CFAP299: variants seen among roughly 807,000 people sequenced by gnomAD.
CFAP299 encodes the protein cilia and flagella associated protein 299, also known as cilia- and flagella-associated protein 299.
CFAP299 carries 21 observed loss-of-function variants against 27.0 expected under a neutral mutation model. That is an observed-to-expected ratio of 0.78 (90% confidence interval 0.55 to 1.12). The LOEUF is 1.12. CFAP299 is among the 50% of genes most tolerant of loss of function. The pLI is 0.00. For missense variants in CFAP299, 310 were observed against 276.6 expected, an observed-to-expected ratio of 1.12 and a Z score of -0.86; for synonymous variants, 104 against 98.1, an observed-to-expected ratio of 1.06 and a Z score of -0.36.
intron 3 of CFAP299, among the ~76,000 whole-genome samples, chr4:80,604,758 G>T (rs1292780063): frequency 1.3e-5 from 2 of 152,188 alleles, no homozygotes; most frequent in Non-Finnish European, 1.5e-5. Context: ...CAAGGTGAAT[G>T]CAGGGACAAC....
intron 3 of CFAP299, among the ~76,000 whole-genome samples, chr4:80,780,115 T>C (rs1726786931): frequency 6.6e-6 from 1 of 152,074 alleles, no homozygotes; most frequent in Non-Finnish European, 1.5e-5. Flanking sequence ...TTGTCTGGAA[T>C]GGTCTCCTTC....
chr4:80,573,088 A>G (rs892831541), intron 2 of CFAP299, among the ~76,000 whole-genome samples: 4 of 152,260 alleles, frequency 2.6e-5, no homozygotes, highest in African/African-American at 9.6e-5. Flanking sequence ...AGTGCTATCA[A>G]CAGTGTATCA....
chr4:80,533,350 C>T (rs1216935209), intron 2 of CFAP299, among the ~76,000 whole-genome samples: 2 of 152,178 alleles, frequency 1.3e-5, no homozygotes, highest in Admixed American at 6.5e-5. Flanking sequence ...ATGTTGTTAA[C>T]ATTTACTAGT....
chr4:80,684,037 C>A lies in CFAP299; in HGVS notation c.333+100854C>A, dbSNP rs183291812. ...TATATTTAAAATTGTACTTTCTAAA[C>A]TGAAGTTCTGTTGACTCCAGTATAG... On this transcript the variant is annotated intron_variant, in intron 3 of 5. Coordinates refer to ENST00000358105, the MANE Select transcript of CFAP299 (RefSeq NM_152770.3). Among the ~76,000 whole-genome samples the A allele has an allele frequency of 1.6e-3, 240 of 152,272 alleles. 2 individuals carry two copies. The highest frequency in any genetic ancestry group is 5.2e-3 in the African/African-American group (218 of 41,548).
chr4:80,660,286 G>A (rs1244643389), intron 3 of CFAP299, among the ~76,000 whole-genome samples: 2 of 151,984 alleles, frequency 1.3e-5, no homozygotes, highest in African/African-American at 2.4e-5. Context: ...GAATGGCGGG[G>A]ACTGTTGTAA....
chr4:80,393,224 G>T (rs1019914574), intron 2 of CFAP299, among the ~76,000 whole-genome samples: 2 of 152,078 alleles, frequency 1.3e-5, no homozygotes, highest in African/African-American at 4.8e-5. Context: ...TTATGCAATT[G>T]TACAGTGATT....
chr4:80,711,316 A>C (rs1382746542), intron 3 of CFAP299, among the ~76,000 whole-genome samples: 1 of 152,206 alleles, frequency 6.6e-6, no homozygotes, highest in Non-Finnish European at 1.5e-5. Context: ...TGAGCTGCTC[A>C]GAGGAGCCAC....
At chr4:80,494,007 C>T (rs1731297546) in intron 2 of CFAP299, among the ~76,000 whole-genome samples, 1 of 151,838 alleles carries the variant, frequency 6.6e-6, no homozygotes, top group African/African-American at 2.4e-5. Flanking sequence ...GATCTCCTGA[C>T]CTCATGATCC....
chr4:80,679,693 T>C (rs971879404), intron 3 of CFAP299, among the ~76,000 whole-genome samples: 6 of 151,658 alleles, frequency 4.0e-5, no homozygotes, highest in Non-Finnish European at 7.4e-5. Context: ...AATTTTCAAG[T>C]TCTTGTTTGC....
At chr4:80,770,175 T>C (rs1726129689) in intron 3 of CFAP299, among the ~76,000 whole-genome samples, 1 of 152,180 alleles carries the variant, frequency 6.6e-6, no homozygotes, top group African/African-American at 2.4e-5. Flanking sequence ...TTGTGGGCCT[T>C]ACGTATAGAT....
chr4:80,659,893 A>T lies in CFAP299; in HGVS notation c.333+76710A>T, dbSNP rs570942680. ...TAACAAATTCAGGATAAATGATAGA[A>T]TTATAGAGTCACTATTATTCAACCC... On this transcript the variant is annotated intron_variant, in intron 3 of 5. Coordinates refer to ENST00000358105, the MANE Select transcript of CFAP299 (RefSeq NM_152770.3). 7.9e-5 allele frequency among the ~76,000 whole-genome samples: 12 copies of T among 152,278 alleles called. No individual in the cohort carries two copies. The South Asian group carries it at 2.3e-3, about 29-fold the overall frequency.
intron 3 of CFAP299, among the ~76,000 whole-genome samples, chr4:80,868,918 T>TGG (rs1732912216): frequency 6.6e-6 from 1 of 151,052 alleles, no homozygotes; most frequent in African/African-American, 2.4e-5. Context: ...TGTGTGTGTG[T>TGG]GTGTGTGTGT....
chr4:80,622,542 A>G (rs1259517540), intron 3 of CFAP299, among the ~76,000 whole-genome samples: 1 of 152,156 alleles, frequency 6.6e-6, no homozygotes, highest in Non-Finnish European at 1.5e-5. Context: ...GTTTCATAAT[A>G]TAATAACTTG....
chr4:80,851,950 A>G (rs935207043), intron 3 of CFAP299, among the ~76,000 whole-genome samples: 2 of 152,172 alleles, frequency 1.3e-5, no homozygotes, highest in South Asian at 2.1e-4. Flanking sequence ...CTGCGATTGT[A>G]CTACTAAATG....
intron 3 of CFAP299, among the ~76,000 whole-genome samples, chr4:80,736,296 A>G (rs1320132142): frequency 5.3e-5 from 8 of 152,126 alleles, no homozygotes; most frequent in African/African-American, 1.7e-4. Context: ...AGCTTTCTAC[A>G]TATGGCTAGC....
At chr4:80,929,557 A>C (rs1327923219) in intron 4 of CFAP299, among the ~76,000 whole-genome samples, 1 of 152,106 alleles carries the variant, frequency 6.6e-6, no homozygotes, top group African/African-American at 2.4e-5. Flanking sequence ...TATAATTGCT[A>C]TCTTCTATAT....
intron 3 of CFAP299, among the ~76,000 whole-genome samples, chr4:80,780,588 A>G (rs183109950): frequency 1.3e-5 from 2 of 152,064 alleles, no homozygotes; most frequent in African/African-American, 4.8e-5. Flanking sequence ...TATTCTTATC[A>G]GTCTCCTAGT....
chr4:80,521,792 C>CT lies in CFAP299; in HGVS notation c.243-61290dup, dbSNP rs796445235. ...ATATTGTAGCACATGACAGGATTCC[C>CT]TTTTTTTTTTTGTAAGTTCAAATAA... is the stretch of plus-strand genomic sequence containing the variant. On this transcript the variant is annotated intron_variant, in intron 2 of 5. Transcript: ENST00000358105. 1.7e-3 allele frequency among the ~76,000 whole-genome samples: 244 copies of CT among 145,022 alleles called. 4 individuals are homozygous for CT. The highest frequency in any genetic ancestry group is 0.016 in the South Asian group (71 of 4,534).
chr4:80,668,965 A>AT (rs1460871393), intron 3 of CFAP299, among the ~76,000 whole-genome samples: 2 of 151,716 alleles, frequency 1.3e-5, no homozygotes, highest in Non-Finnish European at 2.9e-5. Context: ...TATCTTTCCA[A>AT]TTTTTTTGTG....
Sources: allele counts gnomAD v4.1 joint callset (sites outside exome capture counted in the v4.1 genomes callset), GRCh38; gene constraint gnomAD v4.1.1; transcripts MANE v1.5; gene names NCBI Gene and HGNC (gene_info 2026-07-23, HGNC 2026-07-21).